Variants in PHF21B observed in about 807,000 individuals in gnomAD.
PHF21B encodes the protein PHD finger protein 21B.
A neutral mutation model predicts 62.2 loss-of-function variants in PHF21B; 22 were observed. That is an observed-to-expected ratio of 0.35 (90% CI 0.25 to 0.51). The LOEUF (loss-of-function observed/expected upper bound fraction) is 0.51, where lower values mean the gene tolerates loss of function less well. Ranked by LOEUF, PHF21B falls within the 20% of genes least tolerant of loss-of-function variation. The pLI is 0.97. For missense variants in PHF21B, 701 were observed against 707.9 expected (o/e 0.99, Z 0.11); for synonymous variants, 341 against 314.7 (o/e 1.08, Z -0.88).
At chr22:44,961,966 T>C (rs2072433102) in intron 2 of PHF21B, among the ~76,000 whole-genome samples, 1 of 152,196 alleles carries the variant, frequency 6.6e-6, no homozygotes, top group Admixed American at 6.5e-5. Flanking sequence ...GGCTGTGTAG[T>C]ATTCCATGGT....
At chr22:44,889,696 T>C (rs916081408) in intron 9 of PHF21B, 64 bp downstream of exon 9, 2 of 1,544,102 alleles carry the variant, frequency 1.3e-6, no homozygotes, top group Non-Finnish European at 8.8e-7. Flanking sequence ...AGGGACCCTA[T>C]GAGGACTGTA....
chr22:44,978,951 C>T (rs1005007666), intron 2 of PHF21B, among the ~76,000 whole-genome samples: 3 of 152,226 alleles, frequency 2.0e-5, no homozygotes, highest in African/African-American at 4.8e-5. Context: ...GGGGAGAAAA[C>T]GCAGGACAGG....
intron 5 of PHF21B, among the ~76,000 whole-genome samples, chr22:44,897,302 C>T (rs1457792568): frequency 1.3e-5 from 2 of 152,114 alleles, no homozygotes; most frequent in South Asian, 2.1e-4. Flanking sequence ...GAGCCCCTAC[C>T]CTGCGGTGTA....
intron 2 of PHF21B, among the ~76,000 whole-genome samples, chr22:44,922,048 C>T (rs2071547778): frequency 6.6e-6 from 1 of 152,188 alleles, no homozygotes; most frequent in Non-Finnish European, 1.5e-5. Context: ...TCCAGTCAAA[C>T]CATCAGTGGC....
At chr22:44,944,142 C>T (rs1197200247) in intron 2 of PHF21B, among the ~76,000 whole-genome samples, 6 of 152,202 alleles carry the variant, frequency 3.9e-5, no homozygotes, top group Admixed American at 6.5e-5. Flanking sequence ...GTTCTGCAGA[C>T]AGTGAAGGAC....
chr22:44,905,927 C>G (rs140905417), intron 5 of PHF21B, among the ~76,000 whole-genome samples: 1 of 152,250 alleles, frequency 6.6e-6, no homozygotes, highest in African/African-American at 2.4e-5. Flanking sequence ...CTCTCCCTCA[C>G]GCTTACCCTT....
intron 2 of PHF21B, among the ~76,000 whole-genome samples, chr22:44,931,790 C>T (rs1182316851): frequency 4.6e-5 from 7 of 152,102 alleles, no homozygotes; most frequent in East Asian, 1.9e-4. Context: ...CCAGCTAAAA[C>T]GGCCACTTCT....
In PHF21B at chr22:45,006,908, C is replaced by G. The variant is rs1176914336; in HGVS notation, c.120+1637G>C. Among the ~76,000 whole-genome samples, 3 of 151,640 alleles carry G rather than the reference C, an allele frequency of 2.0e-5. 1 individual carries two copies. The highest frequency in any genetic ancestry group is 2.0e-4 in the Admixed American group (3 of 15,244). ...GATTTGATTCTACGCAGTGATTAAACAGCTTTGTGCTCTGCGGAAAAGGGT... is the reference window on the plus strand; with the variant it reads ...GATTTGATTCTACGCAGTGATTAAAGAGCTTTGTGCTCTGCGGAAAAGGGT... On this transcript the variant is annotated intron_variant, in intron 2 of 12. Coordinates refer to ENST00000313237, the MANE Select transcript of PHF21B (RefSeq NM_138415.5).
At chr22:44,956,803 CAGA>C (rs979584556) in intron 2 of PHF21B, among the ~76,000 whole-genome samples, 2 of 152,224 alleles carry the variant, frequency 1.3e-5, no homozygotes, top group African/African-American at 4.8e-5. Context: ...GGCTAAGGGA[CAGA>C]GGCCCCTCCA....
chr22:45,009,072 G>A lies in PHF21B; in HGVS notation c.54+424C>T. 2.7e-6 allele frequency: 3 copies of A among 1,106,332 alleles called. No homozygotes were observed. Among genetic ancestry groups the A allele is most frequent in the Non-Finnish European group, 3.3e-6 (3 of 899,198 alleles). The allele number at this position is 1,106,332 out of a possible 1,614,324, so 68.5% of individuals were successfully genotyped here. A position where few individuals can be genotyped will look rare whatever the true frequency, so the allele number is the denominator to read the frequency against. On this transcript the variant is annotated intron_variant, in intron 1 of 12. Coordinates refer to ENST00000313237, the MANE Select transcript of PHF21B (RefSeq NM_138415.5). The surrounding 1 kb of genome is among the most constrained non-coding windows in gnomAD (Gnocchi z 5.9). ...CTCAGGCTCCGGCCGCCACGCCGCCGCTCGCCAGCAGCGATCGCCAAAACT... is the reference window on the plus strand; with the variant it reads ...CTCAGGCTCCGGCCGCCACGCCGCCACTCGCCAGCAGCGATCGCCAAAACT...
chr22:44,985,699 G>A (rs1007117751), intron 2 of PHF21B, among the ~76,000 whole-genome samples: 1 of 152,194 alleles, frequency 6.6e-6, no homozygotes, highest in Middle Eastern at 3.2e-3. Context: ...ACAGGGATGT[G>A]TTGTGATGGC....
At chr22:44,904,285 C>A (rs1372113551) in intron 5 of PHF21B, among the ~76,000 whole-genome samples, 1 of 149,854 alleles carries the variant, frequency 6.7e-6, no homozygotes, top group Non-Finnish European at 1.5e-5. Context: ...TAAAACAAAA[C>A]TGGATTTTTT....
chr22:44,958,064 G>A (rs2072337814), intron 2 of PHF21B, among the ~76,000 whole-genome samples: 1 of 152,064 alleles, frequency 6.6e-6, no homozygotes, highest in South Asian at 2.1e-4. Flanking sequence ...TATCATGCCT[G>A]GCTAACTTTT....
intron 2 of PHF21B, among the ~76,000 whole-genome samples, chr22:44,930,636 A>G (rs1035712505): frequency 6.6e-6 from 1 of 152,200 alleles, no homozygotes; most frequent in African/African-American, 2.4e-5. Context: ...CAGCTCCCAA[A>G]GGTGGACAGT....
chr22:44,887,951 A>T lies in PHF21B; in HGVS notation c.1197+12T>A. The T allele has an allele frequency of 6.8e-7, 1 of 1,469,556 alleles. No individual in the cohort carries two copies. The highest frequency in any genetic ancestry group is 9.0e-7 in the Non-Finnish European group (1 of 1,105,672). 91.0% of individuals were successfully genotyped at this position (1,469,556 alleles called of 1,614,324 possible). On this transcript the variant is annotated intron_variant, in intron 10 of 12. Coordinates refer to ENST00000313237, the MANE Select transcript of PHF21B (RefSeq NM_138415.5). ...CCAGTCTGGGGTGAGGGGGTCACAC[A>T]GCCTCCTGTACCTTCTGCTGGCACC...
chr22:45,002,714 C>T (rs2073242387), intron 2 of PHF21B, among the ~76,000 whole-genome samples: 1 of 152,284 alleles, frequency 6.6e-6, no homozygotes, highest in Non-Finnish European at 1.5e-5. Flanking sequence ...CCCTAGAAGC[C>T]CTTGGGCACG....
At chr22:44,946,671 AT>A (rs1474863286) in intron 2 of PHF21B, among the ~76,000 whole-genome samples, 1 of 152,032 alleles carries the variant, frequency 6.6e-6, no homozygotes, top group African/African-American at 2.4e-5. Flanking sequence ...GGTAGAATCA[AT>A]TCCACCTTCC....
rs376846722 is a variant in PHF21B, at chr22:45,008,654, T to C, written c.55-44A>G. On this transcript the variant is annotated intron_variant, in intron 1 of 12. Coordinates refer to ENST00000313237, the MANE Select transcript of PHF21B (RefSeq NM_138415.5). Reference sequence around the variant, plus strand: ...GCGGGCTCAGGCAGGCCACCCGGGGTCAGGTGCACCCCAGCACCGCGGGCC... The same window carrying C: ...GCGGGCTCAGGCAGGCCACCCGGGGCCAGGTGCACCCCAGCACCGCGGGCC... 8.8e-5 allele frequency: 134 copies of C among 1,521,342 alleles called. No individual in the cohort carries two copies. The African/African-American group carries it at 1.8e-3, about 20-fold the overall frequency. The allele number at this position is 1,521,342 out of a possible 1,614,324, so 94.2% of individuals were successfully genotyped here. A position where few individuals can be genotyped will look rare whatever the true frequency, so the allele number is the denominator to read the frequency against.
At position 44,977,564 on chromosome 22, in the gene PHF21B, C is replaced by CA. The variant is rs796689775; in HGVS notation, c.120+30980dup. ...TGGGTGACAGAGCGAGACTGTGTCT[C>CA]AAAAAAAAAAAAAAGGATATCGCTT... is the stretch of plus-strand genomic sequence containing the variant. On this transcript the variant is annotated intron_variant, in intron 2 of 12. Transcript: ENST00000313237. Among the ~76,000 whole-genome samples, 589 of 123,918 alleles carry CA rather than the reference C, an allele frequency of 4.8e-3. 3 individuals are homozygous for CA. The highest frequency in any genetic ancestry group is 0.011 in the African/African-American group (358 of 33,860). 81.3% of individuals were successfully genotyped at this position (123,918 alleles called of 152,430 possible). A position where few individuals can be genotyped will look rare whatever the true frequency, so the allele number is the denominator to read the frequency against.
Sources: allele counts gnomAD v4.1 joint callset (sites outside exome capture counted in the v4.1 genomes callset), GRCh38; gene constraint gnomAD v4.1.1; non-coding constraint Gnocchi (gnomAD v3.1); transcripts MANE v1.5; gene names NCBI Gene and HGNC (gene_info 2026-07-23, HGNC 2026-07-21).